ACR: variants seen among roughly 807,000 people sequenced by gnomAD.
ACR encodes the protein acrosin light and heavy chain prepropeptide.
In ACR, 17 loss-of-function variants were observed where a neutral mutation model predicts 26.0. The observed-to-expected ratio is 0.65, with a 90% CI of 0.45 to 0.98. The LOEUF (loss-of-function observed/expected upper bound fraction) is 0.98. Among genes scored for constraint, ACR ranks in the 50% least tolerant of loss-of-function variants. The pLI, the probability that ACR is intolerant of heterozygous loss-of-function variation, is 0.00. For missense variants in ACR, 435 were observed against 519.3 expected, an observed-to-expected ratio of 0.84 and a Z score of 1.58; for synonymous variants, 199 against 207.7, an observed-to-expected ratio of 0.96 and a Z score of 0.36.
At chr22:50,740,621 G>A (rs1435497133) in intron 3 of ACR, 1 of 702,382 alleles carries the variant, frequency 1.4e-6, no homozygotes, top group Non-Finnish European at 2.6e-6. Context: ...TGTATTTCAG[G>A]CTTCCTGGAG....
Position 50,744,173 on chromosome 22 carries a change from G to T in ACR, c.678G>T (p.Ala226=). ...NGRVQPTNVC[A]GYPVGKIDTC... ...GCGTTCAGCCAACCAATGTGTGCGC[G>T]GGGTATCCTGTAGGCAAGATCGACA... Residue 226 remains alanine (A), a synonymous_variant, in exon 4 of 5, where the codon GCG becomes GCT. Coordinates refer to ENST00000216139, the MANE Select transcript of ACR (RefSeq NM_001097.3). 1 of 1,613,712 alleles carries T rather than the reference G, an allele frequency of 6.2e-7. No individual in the cohort carries two copies. Among genetic ancestry groups the T allele is most frequent in the Non-Finnish European group, 8.5e-7 (1 of 1,179,812 alleles).
At position 50,738,296 on chromosome 22, in the gene ACR, G is replaced by T. The variant is rs768256291; in HGVS notation, c.61G>T (p.Asp21Tyr). The change falls in exon 1 of 5, where the codon GAT (aspartate) becomes TAT (tyrosine). Residue 21 changes from aspartate to tyrosine, a missense_variant. Asp to Tyr is a radical substitution (Grantham distance 160). Around this residue, in one of 3 missense-constraint regions of ACR, gnomAD observed 314 missense variants for 372.0 expected, o/e 0.84. Transcript: ENST00000216139. ...LVLAVSVVAK[D>Y]NATCDGPCGL... ...CTTGGCAGTGTCCGTGGTTGCTAAA[G>T]ATAACGCCACGTGTGAGTAAGTGTC... 1.9e-6 allele frequency: 3 copies of T among 1,613,972 alleles called. No homozygotes were observed. Among genetic ancestry groups the T allele is most frequent in the Non-Finnish European group, 2.5e-6 (3 of 1,179,932 alleles).
chr22:50,742,060 C>A (rs1344802579), intron 3 of ACR, among the ~76,000 whole-genome samples: 1 of 151,782 alleles, frequency 6.6e-6, no homozygotes, highest in Non-Finnish European at 1.5e-5. Flanking sequence ...CACTTGAACC[C>A]GGGAGGTGAA....
rs943646836 is a variant in ACR at position 50,739,129 on chromosome 22, G to A, written c.78-142G>A. On this transcript the variant is annotated intron_variant, in intron 1 of 4. Coordinates refer to ENST00000216139, the MANE Select transcript of ACR (RefSeq NM_001097.3). The surrounding 1 kb of genome is among the most constrained non-coding windows in gnomAD (Gnocchi z 5.5). ...TAGAGCCTGCGGCTTCCTACATAGC[G>A]CAGGCTGCCCCTGCTTTCCCAGAAC... 3.0e-5 allele frequency: 21 copies of A among 708,478 alleles called. No homozygotes were observed. The highest frequency in any genetic ancestry group is 1.7e-4 in the Admixed American group (7 of 40,114). The allele number at this position is 708,478 out of a possible 1,614,324, so 43.9% of individuals were successfully genotyped here. A position where few individuals can be genotyped will look rare whatever the true frequency, so the allele number is the denominator to read the frequency against.
intron 1 of ACR, among the ~76,000 whole-genome samples, chr22:50,738,933 C>T (rs1439983146): frequency 6.6e-6 from 1 of 152,104 alleles, no homozygotes; most frequent in Non-Finnish European, 1.5e-5. Flanking sequence ...CAGGCCATTA[C>T]ACCCCTCTGT....
At chr22:50,743,105 G>T (rs531602050) in intron 3 of ACR, among the ~76,000 whole-genome samples, 4 of 151,612 alleles carry the variant, frequency 2.6e-5, no homozygotes, top group East Asian at 1.9e-4. Flanking sequence ...GCGCCATCTC[G>T]GCTCACTGCA....
Position 50,744,911 on chromosome 22 carries a change from C to T in ACR, c.970C>T (p.Leu324Phe). 3 of 1,586,418 alleles carry T rather than the reference C, an allele frequency of 1.9e-6. No individual in the cohort carries two copies. Among genetic ancestry groups the T allele is most frequent in the East Asian group, 4.6e-5 (2 of 43,674 alleles). ...CTTCTCCCACCCTATCTCTGCTCAC[C>T]TTCCTTGGTATTTCCAACCGCCCCC... Reference protein sequence around the residue: ...PPFSHPISAHLPWYFQPPPRP... With the variant: ...PPFSHPISAHFPWYFQPPPRP... The change falls in exon 5 of 5, where the codon CTT (leucine) becomes TTT (phenylalanine). Residue 324 changes from leucine (L) to phenylalanine (F), a missense_variant. This residue lies in a region of ACR where 92 missense variants were observed against 87.8 expected (regional missense o/e 1.05). Coordinates refer to ENST00000216139, the MANE Select transcript of ACR (RefSeq NM_001097.3).
intron 3 of ACR, among the ~76,000 whole-genome samples, chr22:50,742,559 A>AG (rs1221682912): frequency 5.3e-5 from 7 of 132,810 alleles, no homozygotes; most frequent in East Asian, 2.1e-4. Context: ...AAAAAAAAAA[A>AG]AAAATCGTCT....
At chr22:50,740,905 T>C (rs1297624796) in intron 3 of ACR, 9 of 567,952 alleles carry the variant, frequency 1.6e-5, no homozygotes. Context: ...CCTACATACT[T>C]AGGCACACTA....
Position 50,739,534 on chromosome 22 carries a change from TC to T in ACR, c.281+64del. ...AACGGCTCTTCTCAGAGAGGGGCGT[TC>T]CCCGGGGATGCTGTGCAGCGTCTCC... On this transcript the variant is annotated intron_variant, in intron 2 of 4. Transcript: ENST00000216139. The surrounding 1 kb of genome is among the most constrained non-coding windows in gnomAD (Gnocchi z 5.5). 1 of 1,601,728 alleles carries T rather than the reference TC, an allele frequency of 6.2e-7. No individual in the cohort carries two copies. The highest frequency in any genetic ancestry group is 8.5e-7 in the Non-Finnish European group (1 of 1,170,668).
At position 50,739,316 on chromosome 22, in the gene ACR, C is replaced by T. The variant is rs755668971; in HGVS notation, c.123C>T (p.Val41=). 5.6e-5 allele frequency: 89 copies of T among 1,602,864 alleles called. No individual in the cohort carries two copies. The highest frequency in any genetic ancestry group is 3.1e-4 in the Admixed American group (18 of 58,424). ...TCAGGCAAAACCCACAGGGTGGTGT[C>T]CGCATCGTCGGCGGGAAGGCTGCAC... is the stretch of plus-strand genomic sequence containing the variant. ...LRFRQNPQGG[V]RIVGGKAAQH... is the part of the protein sequence containing the mutation. Residue 41 remains valine, a synonymous_variant, in exon 2 of 5, where the codon GTC becomes GTT. Transcript: ENST00000216139. The surrounding 1 kb of genome is among the most constrained non-coding windows in gnomAD (Gnocchi z 5.5).
At position 50,744,018 on chromosome 22, in the gene ACR, C is replaced by T. The variant is rs369793555; in HGVS notation, c.566-43C>T. On this transcript the variant is annotated intron_variant, in intron 3 of 4. Transcript: ENST00000216139. ...GGGGCAAGGAGGCAGGGCTTTTGTCCGTGTCTCCCGTGATCACTGACCACC... is the reference window on the plus strand; with the variant it reads ...GGGGCAAGGAGGCAGGGCTTTTGTCTGTGTCTCCCGTGATCACTGACCACC... 3.6e-5 allele frequency: 51 copies of T among 1,408,368 alleles called. 1 individual carries two copies. In the African/African-American group the frequency reaches 5.6e-4, roughly 15 times the overall value. 87.2% of individuals were successfully genotyped at this position (1,408,368 alleles called of 1,614,324 possible).
In ACR at chr22:50,739,345, A is replaced by G; in HGVS notation, c.152A>G (p.His51Arg). 6.2e-7 allele frequency: 1 copy of G among 1,612,546 alleles called. No homozygotes were observed. Among genetic ancestry groups the G allele is most frequent in the Non-Finnish European group, 8.5e-7 (1 of 1,179,348 alleles). Reference sequence around the variant, plus strand: ...ATCGTCGGCGGGAAGGCTGCACAGCATGGGGCCTGGCCCTGGATGGTCAGC... The same window carrying G: ...ATCGTCGGCGGGAAGGCTGCACAGCGTGGGGCCTGGCCCTGGATGGTCAGC... ...VRIVGGKAAQ[H>R]GAWPWMVSLQ... The change falls in exon 2 of 5, where the codon CAT becomes CGT. Residue 51 changes from histidine to arginine, a missense_variant. His to Arg is a conservative substitution (Grantham distance 29, BLOSUM62 0). This residue lies in a region of ACR where 314 missense variants were observed against 372.0 expected (regional missense o/e 0.84). Coordinates refer to ENST00000216139, the MANE Select transcript of ACR (RefSeq NM_001097.3). The surrounding 1 kb of genome is among the most constrained non-coding windows in gnomAD (Gnocchi z 5.5).
intron 3 of ACR, among the ~76,000 whole-genome samples, chr22:50,742,539 G>A (rs1334326221): frequency 2.8e-5 from 2 of 70,562 alleles, no homozygotes; most frequent in Non-Finnish European, 5.5e-5. Context: ...GCAAGACTCC[G>A]TCTCAAAAAA....
At chr22:50,743,160 C>T (rs1336060141) in intron 3 of ACR, among the ~76,000 whole-genome samples, 2 of 150,564 alleles carry the variant, frequency 1.3e-5, no homozygotes, top group Non-Finnish European at 3.0e-5. Flanking sequence ...CTCAGCCTCC[C>T]GAGTAGCTGG....
At chr22:50,742,557 A>G (rs1468525441) in intron 3 of ACR, among the ~76,000 whole-genome samples, 2 of 152,034 alleles carry the variant, frequency 1.3e-5, no homozygotes, top group Non-Finnish European at 2.9e-5. Context: ...AAAAAAAAAA[A>G]AAAAAATCGT....
At chr22:50,738,419 G>GA in intron 1 of ACR, 107 bp downstream of exon 1, 1 of 1,150,768 alleles carries the variant, frequency 8.7e-7, no homozygotes, top group Non-Finnish European at 1.3e-6. Context: ...CCCTAACCTG[G>GA]ACCCCCCCTG....
intron 3 of ACR, among the ~76,000 whole-genome samples, chr22:50,743,171 G>A (rs377686251): frequency 6.6e-6 from 1 of 150,394 alleles, no homozygotes; most frequent in African/African-American, 2.5e-5. Context: ...GAGTAGCTGG[G>A]ACTACAGGCG....
intron 3 of ACR, 157 bp downstream of exon 3, chr22:50,740,134 G>A (rs763968728): frequency 1.9e-5 from 18 of 966,634 alleles, no homozygotes; most frequent in East Asian, 2.6e-5. Context: ...ACAGTCCCCT[G>A]TGCCAGGTCA....
Sources: gnomAD v4.1 joint callset for allele counts (sites outside exome capture counted in the v4.1 genomes callset) on GRCh38, gnomAD v4.1.1 for gene constraint, gnomAD v4.1.1 regional missense constraint, Gnocchi (gnomAD v3.1) non-coding constraint, MANE v1.5 for transcripts, NCBI Gene and HGNC (gene_info 2026-07-23, HGNC 2026-07-21) for gene names.